The following EDC3 variants were observed in gnomAD, a reference collection of about 807,000 sequenced individuals.
The protein encoded by EDC3 is enhancer of mRNA decapping 3.
Under a neutral mutation model 41.8 loss-of-function variants are expected in EDC3, and 20 were observed. That is an observed-to-expected ratio of 0.48 (90% CI 0.34 to 0.70). The LOEUF (loss-of-function observed/expected upper bound fraction) is 0.70. Ranked by LOEUF, EDC3 falls within the 30% of genes least tolerant of loss-of-function variation. The pLI is 0.01. For missense variants in EDC3, 444 were observed against 636.8 expected, an observed-to-expected ratio of 0.70 and a Z score of 3.26; for synonymous variants, 206 against 243.2, an observed-to-expected ratio of 0.85 and a Z score of 1.42.
intron 4 of EDC3, chr15:74,642,880 C>T (rs369622301): frequency 1.3e-5 from 2 of 152,282 alleles, no homozygotes; most frequent in African/African-American, 2.4e-5. Context: ...CACCCCCCAC[C>T]GGCTGGCTAG....
At chr15:74,691,445 G>A (rs941333177) in intron 1 of EDC3, among the ~76,000 whole-genome samples, 7 of 152,084 alleles carry the variant, frequency 4.6e-5, no homozygotes, top group Admixed American at 3.3e-4. Flanking sequence ...AAAGAATACC[G>A]ATCACATAGG....
Position 74,671,843 on chromosome 15 carries a change from A to G in EDC3, c.165-69T>C, listed in dbSNP as rs2141650479. ...TAAGAATGATGAAACTGAGATCATT[A>G]GCAAACAGCTACCCCTTTGCAGGAC... On this transcript the variant is annotated intron_variant, in intron 2 of 6. Transcript: ENST00000315127. The surrounding 1 kb of genome is among the most constrained non-coding windows in gnomAD (Gnocchi z 4.6). The G allele has an allele frequency of 6.9e-7, 1 of 1,455,452 alleles. No homozygotes were observed. The highest frequency in any genetic ancestry group is 1.8e-5 in the Admixed American group (1 of 56,820). The allele number at this position is 1,455,452 out of a possible 1,614,324, so 90.2% of individuals were successfully genotyped here. A position where few individuals can be genotyped will look rare whatever the true frequency, so the allele number is the denominator to read the frequency against.
intron 4 of EDC3, among the ~76,000 whole-genome samples, chr15:74,649,985 C>T (rs988657033): frequency 1.3e-5 from 2 of 152,180 alleles, no homozygotes; most frequent in East Asian, 1.9e-4. Context: ...CTCCTGTTCA[C>T]TCAACCCTGT....
At chr15:74,635,211 C>T in intron 6 of EDC3, 198 bp downstream of exon 6, 1 of 703,590 alleles carries the variant, frequency 1.4e-6, no homozygotes, top group Non-Finnish European at 2.6e-6. Context: ...GTCCCCAGCT[C>T]TTCATGTGAG....
intron 3 of EDC3, among the ~76,000 whole-genome samples, chr15:74,661,747 A>G (rs915108518): frequency 6.6e-6 from 1 of 151,104 alleles, no homozygotes; most frequent in African/African-American, 2.4e-5. Flanking sequence ...AAAAAAAGAA[A>G]AAGAAAAAGA....
intron 3 of EDC3, among the ~76,000 whole-genome samples, chr15:74,660,398 A>C (rs2065898656): frequency 6.9e-6 from 1 of 145,130 alleles, no homozygotes; most frequent in African/African-American, 2.6e-5. Flanking sequence ...GGACAGAGTG[A>C]GACTCCGTCT....
intron 4 of EDC3, among the ~76,000 whole-genome samples, chr15:74,646,055 T>C (rs1328774394): frequency 6.9e-6 from 1 of 144,860 alleles, no homozygotes; most frequent in Non-Finnish European, 1.5e-5. Context: ...TTGTTGTTGT[T>C]GTTGTTTTGT....
In EDC3 at chr15:74,640,479, C is replaced by T. The variant is rs2062336024; in HGVS notation, c.961G>A (p.Gly321Arg). Reference protein sequence around the residue: ...CASQMALTLLGGPNRLNPKNV... With the variant: ...CASQMALTLLRGPNRLNPKNV... Reference sequence around the variant, plus strand: ...ATAGACATTTACCTGTTAGGTCCTCCGAGGAGGGTCAGTGCCATCTGACTG... The same window carrying T: ...ATAGACATTTACCTGTTAGGTCCTCTGAGGAGGGTCAGTGCCATCTGACTG... Residue 321 changes from glycine (G) to arginine (R), a missense_variant, in exon 5 of 7, where the codon GGA becomes AGA. Around this residue, in one of 3 missense-constraint regions of EDC3, gnomAD observed 242 missense variants for 363.8 expected, o/e 0.67. Coordinates refer to ENST00000315127, the MANE Select transcript of EDC3 (RefSeq NM_025083.5). 5 of 1,614,038 alleles carry T rather than the reference C, an allele frequency of 3.1e-6. No individual in the cohort carries two copies. Among genetic ancestry groups the T allele is most frequent in the Non-Finnish European group, 2.5e-6 (3 of 1,179,996 alleles).
At chr15:74,640,879 C>A (rs2062343227) in intron 4 of EDC3, 2 of 474,208 alleles carry the variant, frequency 4.2e-6, no homozygotes, top group Non-Finnish European at 7.6e-6. Context: ...TAGCTTTAGA[C>A]CACAAAGGCC....
intron 4 of EDC3, among the ~76,000 whole-genome samples, chr15:74,653,475 A>T (rs1415393665): frequency 1.3e-5 from 2 of 152,166 alleles, no homozygotes; most frequent in Non-Finnish European, 2.9e-5. Context: ...TTGCTCAGTA[A>T]GATAACTGCC....
At chr15:74,635,885 T>TGTTGCCACAACACC in intron 5 of EDC3, 1 of 521,370 alleles carries the variant, frequency 1.9e-6, no homozygotes, top group Non-Finnish European at 3.5e-6. Context: ...CACACAACAC[T>TGTTGCCACAACACC]GTTGCCACAA....
chr15:74,642,070 T>G (rs1169610008), intron 4 of EDC3: 3 of 152,240 alleles, frequency 2.0e-5, no homozygotes, highest in Non-Finnish European at 4.4e-5. Context: ...CCTACCTGCA[T>G]ATTCCTAAAG....
At chr15:74,681,408 C>T (rs2062869164) in intron 1 of EDC3, among the ~76,000 whole-genome samples, 1 of 152,174 alleles carries the variant, frequency 6.6e-6, no homozygotes, top group Non-Finnish European at 1.5e-5. Context: ...ACCTCAGCCT[C>T]CCAAAGTGCT....
At chr15:74,646,141 CG>C (rs1195699813) in intron 4 of EDC3, among the ~76,000 whole-genome samples, 10 of 147,516 alleles carry the variant, frequency 6.8e-5, no homozygotes, top group Non-Finnish European at 1.3e-4. Context: ...GGTATGATCT[CG>C]GCTCACTGCA....
intron 1 of EDC3, among the ~76,000 whole-genome samples, chr15:74,686,353 G>A (rs1408719866): frequency 6.6e-6 from 1 of 151,372 alleles, no homozygotes; most frequent in Non-Finnish European, 1.5e-5. Context: ...CGGGCATGGT[G>A]GTGCATGCCT....
At chr15:74,677,253 G>C (rs1164300677) in intron 1 of EDC3, among the ~76,000 whole-genome samples, 1 of 151,880 alleles carries the variant, frequency 6.6e-6, no homozygotes, top group Admixed American at 6.6e-5. Flanking sequence ...AGTAGAGACG[G>C]GGTTTCACCA....
intron 3 of EDC3, among the ~76,000 whole-genome samples, chr15:74,661,884 G>A (rs2062625633): frequency 6.7e-6 from 1 of 150,024 alleles, no homozygotes; most frequent in Non-Finnish European, 1.5e-5. Context: ...GTTAACAGAT[G>A]TTCATACCAA....
chr15:74,670,587 G>A (rs865826955), intron 3 of EDC3, among the ~76,000 whole-genome samples: 10 of 152,072 alleles, frequency 6.6e-5, no homozygotes, highest in South Asian at 2.1e-4. Flanking sequence ...GCACCTCCAC[G>A]TCCGGATAAT....
intron 5 of EDC3, chr15:74,636,399 G>C (rs1210624575): frequency 1.3e-5 from 2 of 152,260 alleles, no homozygotes; most frequent in Non-Finnish European, 2.9e-5. Context: ...GCAGGCCAAG[G>C]GTTACCTGGC....
Sources: allele counts gnomAD v4.1 joint callset (sites outside exome capture counted in the v4.1 genomes callset), GRCh38; gene constraint gnomAD v4.1.1; regional missense constraint gnomAD v4.1.1; non-coding constraint Gnocchi (gnomAD v3.1); transcripts MANE v1.5; gene names NCBI Gene and HGNC (gene_info 2026-07-23, HGNC 2026-07-21).